Variants in PIK3C2G observed in about 807,000 individuals in gnomAD.
PIK3C2G encodes phosphatidylinositol 3-kinase C2 domain-containing subunit gamma.
Under a neutral mutation model 181.1 loss-of-function variants are expected in PIK3C2G, and 168 were observed. That is an observed-to-expected ratio of 0.93 (90% CI 0.82 to 1.05). The LOEUF is 1.05. Ranked by LOEUF, PIK3C2G falls within the 50% of genes least tolerant of loss-of-function variation. PIK3C2G has a pLI of 0.00. For missense variants in PIK3C2G, 1,869 were observed against 1,732.8 expected (o/e 1.08, Z -1.40); for synonymous variants, 573 against 592.2 (o/e 0.97, Z 0.47).
At chr12:18,259,693 A>T (rs1409470816), upstream of PIK3C2G, among the ~76,000 whole-genome samples, 2 of 152,144 alleles carry the variant, frequency 1.3e-5, no homozygotes, top group Admixed American at 1.3e-4. Context: ...AAAATGCATA[A>T]ACAAAATAAC....
intron 31 of PIK3C2G, among the ~76,000 whole-genome samples, chr12:18,619,437 A>G (rs911404962): frequency 2.6e-5 from 4 of 152,130 alleles, no homozygotes; most frequent in African/African-American, 9.7e-5. Flanking sequence ...ATCTCATTCT[A>G]ATTTCTTAAG....
chr12:18,256,631 A>T (rs1183384876), upstream of PIK3C2G, among the ~76,000 whole-genome samples: 2 of 152,126 alleles, frequency 1.3e-5, no homozygotes, highest in Non-Finnish European at 2.9e-5. Flanking sequence ...AACTTTGCAC[A>T]AGAATCTTCC....
intron 16 of PIK3C2G, among the ~76,000 whole-genome samples, chr12:18,406,366 A>T (rs56142119): frequency 0.1 from 15,881 of 152,104 alleles, 1,170 homozygotes; most frequent in Admixed American, 0.26. Context: ...TCTTTGACAT[A>T]CTAATTTTAA....
chr12:18,723,854 C>T, the PIK3C2G span, among the ~76,000 whole-genome samples: 1 of 152,066 alleles, frequency 6.6e-6, no homozygotes, highest in East Asian at 1.9e-4. Flanking sequence ...CTTCTTAAAA[C>T]CATACCAGGC....
chr12:18,275,406 A>T (rs1948941348), intron 1 of PIK3C2G, among the ~76,000 whole-genome samples: 1 of 151,698 alleles, frequency 6.6e-6, no homozygotes, highest in Admixed American at 6.6e-5. Context: ...TTTGAGATGG[A>T]GTTTCGCTCT....
chr12:18,642,982 T>G (rs1360226797), intron 32 of PIK3C2G, among the ~76,000 whole-genome samples: 1 of 152,104 alleles, frequency 6.6e-6, no homozygotes, highest in Non-Finnish European at 1.5e-5. Flanking sequence ...TTTCATACTT[T>G]TTGAGTACAA....
chr12:18,510,954 AAACTT>A lies in PIK3C2G; in HGVS notation c.3323+5494_3323+5498del, dbSNP rs1592450702. Among the ~76,000 whole-genome samples the A allele has an allele frequency of 2.0e-5, 3 of 152,124 alleles. No individual in the cohort carries two copies. In the East Asian group the frequency reaches 5.8e-4, roughly 29 times the overall value. On this transcript the variant is annotated intron_variant, in intron 24 of 32. Transcript: ENST00000538779. ...AAAGTCTATTCCTACTGTCTATCTG[AAACTT>A]TATACTCTTTGATCAATAGCTCCCA...
At chr12:18,647,695 G>T (rs1390576889) in intron 32 of PIK3C2G, among the ~76,000 whole-genome samples, 181 bp from the exon 33 acceptor site, 6 of 152,038 alleles carry the variant, frequency 3.9e-5, no homozygotes, top group Non-Finnish European at 5.9e-5. Context: ...AAACTCTATT[G>T]TGTTAGCAGA....
intron 14 of PIK3C2G, among the ~76,000 whole-genome samples, chr12:18,389,631 G>C (rs1943412587): frequency 6.6e-6 from 1 of 152,130 alleles, no homozygotes; most frequent in South Asian, 2.1e-4. Flanking sequence ...TTAAAGCATA[G>C]TTTTGGGGAA....
At chr12:18,588,621 G>A (rs566101776) in intron 29 of PIK3C2G, among the ~76,000 whole-genome samples, 41 of 152,210 alleles carry the variant, frequency 2.7e-4, no homozygotes, top group African/African-American at 9.9e-4. Flanking sequence ...GGAGAAAAAG[G>A]AATGCTTATA....
chr12:18,629,644 G>A (rs1187076233), intron 31 of PIK3C2G, among the ~76,000 whole-genome samples: 2 of 152,144 alleles, frequency 1.3e-5, no homozygotes, highest in Non-Finnish European at 2.9e-5. Context: ...TTGACTCAGA[G>A]ATAGGATAAG....
At chr12:18,310,930 A>G (rs968333750) in intron 5 of PIK3C2G, among the ~76,000 whole-genome samples, 3 of 152,062 alleles carry the variant, frequency 2.0e-5, no homozygotes, top group Non-Finnish European at 2.9e-5. Flanking sequence ...AGTCTCATTC[A>G]TAACAGAAAT....
chr12:18,536,447 T>C (rs1406224472), intron 24 of PIK3C2G, among the ~76,000 whole-genome samples: 1 of 152,022 alleles, frequency 6.6e-6, no homozygotes, highest in Admixed American at 6.6e-5. Flanking sequence ...AACGGAGAGA[T>C]TAAGTCACCC....
intron 31 of PIK3C2G, among the ~76,000 whole-genome samples, chr12:18,637,156 G>T (rs1949639534): frequency 6.6e-6 from 1 of 152,124 alleles, no homozygotes; most frequent in Non-Finnish European, 1.5e-5. Flanking sequence ...GTTCCCAAAA[G>T]ATCTGATTAT....
rs897326134 is a variant in PIK3C2G, at chr12:18,481,645, GT to G, written c.2505-6795del. Among the ~76,000 whole-genome samples the G allele has an allele frequency of 2.0e-4, 31 of 151,726 alleles. No individual in the cohort carries two copies. In the South Asian group the frequency reaches 3.7e-3, roughly 18 times the overall value. On this transcript the variant is annotated intron_variant, in intron 18 of 32. Coordinates refer to ENST00000538779, the MANE Select transcript of PIK3C2G (RefSeq NM_001288772.2). ...TAATAACCTATTGCAAAAGAAACAA[GT>G]TTTTTTTTAAATACAATTCATTGCT...
chr12:18,705,014 T>G, the PIK3C2G span: 9 of 866,160 alleles, frequency 1.0e-5, no homozygotes, highest in East Asian at 1.7e-4. Flanking sequence ...CATGAGAACA[T>G]TCCCTAGGCA....
the PIK3C2G span, among the ~76,000 whole-genome samples, chr12:18,698,298 T>C: frequency 2.2e-3 from 296 of 136,498 alleles, 1 homozygote; most frequent in African/African-American, 7.8e-3. Flanking sequence ...CTCCATTCCA[T>C]TCCATTCCAT....
At chr12:18,259,179 A>C (rs1407739225), upstream of PIK3C2G, among the ~76,000 whole-genome samples, 1 of 152,100 alleles carries the variant, frequency 6.6e-6, no homozygotes, top group Non-Finnish European at 1.5e-5. Flanking sequence ...TTTTCACCAC[A>C]TTATAACCTG....
chr12:18,594,391 G>A (rs1303179774), intron 29 of PIK3C2G, 103 bp from the exon 30 acceptor site: 9 of 621,470 alleles, frequency 1.4e-5, no homozygotes, highest in South Asian at 6.7e-5. Context: ...ATCTATAACA[G>A]GTATCTATTT....
Sources: gnomAD v4.1 joint callset for allele counts (sites outside exome capture counted in the v4.1 genomes callset) on GRCh38, gnomAD v4.1.1 for gene constraint, MANE v1.5 for transcripts, NCBI Gene and HGNC (gene_info 2026-07-23, HGNC 2026-07-21) for gene names.